Variants in ERC2 observed in about 807,000 individuals in gnomAD.
The protein encoded by ERC2 is ERC protein 2.
ERC2 carries 42 observed loss-of-function variants against 114.8 expected under a neutral mutation model. That is an observed-to-expected ratio of 0.37 (90% confidence interval 0.29 to 0.47). ERC2 has a LOEUF of 0.47. Ranked by LOEUF, ERC2 falls within the 20% of genes least tolerant of loss-of-function variation. ERC2 has a pLI of 0.99. For missense variants in ERC2, 939 were observed against 1,150.7 expected (o/e 0.82, Z 2.66); for synonymous variants, 454 against 425.5 (o/e 1.07, Z -0.82).
At chr3:56,260,602 C>T (rs1172738402) in intron 3 of ERC2, among the ~76,000 whole-genome samples, 2 of 152,060 alleles carry the variant, frequency 1.3e-5, no homozygotes, top group Non-Finnish European at 2.9e-5. Context: ...TCAGTCAAAC[C>T]GAAGATGGCA....
At chr3:56,318,905 T>G (rs2056995152) in intron 2 of ERC2, among the ~76,000 whole-genome samples, 1 of 143,898 alleles carries the variant, frequency 6.9e-6, no homozygotes. Context: ...AAGGCTTCAG[T>G]GAGTTGTGAT....
chr3:55,558,172 A>C (rs1260842406), intron 17 of ERC2, among the ~76,000 whole-genome samples: 1 of 152,224 alleles, frequency 6.6e-6, no homozygotes, highest in Non-Finnish European at 1.5e-5. Flanking sequence ...TAATGCATTC[A>C]TGTGATCCTT....
At chr3:56,429,127 A>T (rs1392940663) in intron 2 of ERC2, among the ~76,000 whole-genome samples, 1 of 152,240 alleles carries the variant, frequency 6.6e-6, no homozygotes, top group Non-Finnish European at 1.5e-5. Context: ...CCTTAAAAAG[A>T]TGTATTCACT....
At chr3:56,288,917 T>C (rs146856007) in intron 3 of ERC2, among the ~76,000 whole-genome samples, 2 of 152,112 alleles carry the variant, frequency 1.3e-5, no homozygotes, top group East Asian at 1.9e-4. Flanking sequence ...TAAATACTAG[T>C]AGGAGTAAAT....
intron 2 of ERC2, among the ~76,000 whole-genome samples, chr3:56,356,537 C>G (rs537656913): frequency 6.6e-6 from 1 of 152,298 alleles, no homozygotes; most frequent in Non-Finnish European, 1.5e-5. Context: ...ACCTCAATAC[C>G]TCCCAGGAGT....
intron 12 of ERC2, among the ~76,000 whole-genome samples, chr3:55,952,874 G>A (rs1251479720): frequency 1.3e-5 from 2 of 151,988 alleles, no homozygotes; most frequent in Admixed American, 6.6e-5. Flanking sequence ...CTAAACCCAC[G>A]TGTCCCTTAA....
chr3:55,658,936 T>G (rs2060997565), intron 17 of ERC2: 1 of 152,678 alleles, frequency 6.5e-6, no homozygotes, highest in Non-Finnish European at 1.5e-5. Flanking sequence ...TCAGGACACG[T>G]GGGTTGGGCA....
intron 2 of ERC2, among the ~76,000 whole-genome samples, chr3:56,309,192 C>T (rs554055433): frequency 4.3e-4 from 65 of 152,154 alleles, no homozygotes; most frequent in African/African-American, 1.5e-3. Flanking sequence ...GTAGAATACC[C>T]CAAGGAGAAG....
intron 8 of ERC2, among the ~76,000 whole-genome samples, chr3:56,017,219 G>T (rs1278327639): frequency 2.0e-5 from 3 of 152,106 alleles, no homozygotes; most frequent in Non-Finnish European, 2.9e-5. Flanking sequence ...TGACATTCAG[G>T]AAGTGTTGGA....
At chr3:56,033,030 CAGAAAGAAAGAAAGAAAGAAAGAA>C (rs71099612) in intron 7 of ERC2, among the ~76,000 whole-genome samples, 5,771 of 65,492 alleles carry the variant, frequency 0.088, 592 homozygotes, top group Non-Finnish European at 0.13. Flanking sequence ...AAAAAAGAAA[CAGAAAGAAAGAAAGAAAGAAAGAA>C]AGAAAGAAAG....
chr3:55,877,016 G>A (rs2149295626), intron 14 of ERC2, among the ~76,000 whole-genome samples: 2 of 152,312 alleles, frequency 1.3e-5, no homozygotes, highest in Non-Finnish European at 2.9e-5. Flanking sequence ...GTGAAAATAA[G>A]TCAAGTTAAA....
rs9828368 is a variant in ERC2, at chr3:55,600,855, C to T, written c.*39+82939G>A. ...AATGCAGTGCCTGGGCAAGTACCCA[C>T]GTGGTTCTTATTGGCAGCCTGGGTG... On this transcript the variant is annotated intron_variant, in intron 17 of 17. Coordinates refer to ENST00000288221, the MANE Select transcript of ERC2 (RefSeq NM_015576.3). Among the ~76,000 whole-genome samples the T allele has an allele frequency of 5.3e-5, 8 of 152,216 alleles. No individual in the cohort carries two copies. The East Asian group carries it at 9.6e-4, about 18-fold the overall frequency.
chr3:55,835,596 T>C (rs1161538582), intron 14 of ERC2, among the ~76,000 whole-genome samples: 2 of 152,138 alleles, frequency 1.3e-5, no homozygotes, highest in East Asian at 3.9e-4. Flanking sequence ...ATTGGTGGGA[T>C]GTATCTCAAA....
intron 3 of ERC2, among the ~76,000 whole-genome samples, chr3:56,215,398 G>T (rs1010809957): frequency 6.6e-6 from 1 of 152,164 alleles, no homozygotes; most frequent in Non-Finnish European, 1.5e-5. Context: ...GACAAAGAAG[G>T]CCATTACATA....
At chr3:55,801,133 A>G (rs1482836721) in intron 14 of ERC2, among the ~76,000 whole-genome samples, 1 of 152,198 alleles carries the variant, frequency 6.6e-6, no homozygotes, top group Non-Finnish European at 1.5e-5. Context: ...TCAAGTTGAA[A>G]TATCTGTTTC....
chr3:55,547,947 C>T (rs1242679087), intron 17 of ERC2, among the ~76,000 whole-genome samples: 3 of 152,210 alleles, frequency 2.0e-5, no homozygotes, highest in Non-Finnish European at 4.4e-5. Flanking sequence ...CCTCCTTCTG[C>T]TCCAGAGGAC....
At chr3:55,987,110 T>C (rs1364185680) in intron 11 of ERC2, among the ~76,000 whole-genome samples, 1 of 152,116 alleles carries the variant, frequency 6.6e-6, no homozygotes, top group African/African-American at 2.4e-5. Context: ...AAGAGAAAAT[T>C]TAAGATTAAC....
At chr3:55,814,545 A>G (rs1462732455) in intron 14 of ERC2, among the ~76,000 whole-genome samples, 1 of 152,172 alleles carries the variant, frequency 6.6e-6, no homozygotes, top group East Asian at 1.9e-4. Flanking sequence ...ATGTAAAGAA[A>G]GCCTTTGAAA....
At chr3:55,705,122 C>T (rs1220275800) in intron 15 of ERC2, among the ~76,000 whole-genome samples, 1 of 152,020 alleles carries the variant, frequency 6.6e-6, no homozygotes, top group East Asian at 1.9e-4. Context: ...GAAATAGAAG[C>T]CTGACTATAA....
Sources: allele counts gnomAD v4.1 joint callset (sites outside exome capture counted in the v4.1 genomes callset), GRCh38; gene constraint gnomAD v4.1.1; transcripts MANE v1.5; gene names NCBI Gene and HGNC (gene_info 2026-07-23, HGNC 2026-07-21).